PECAM1: variants seen among roughly 807,000 people sequenced by gnomAD.
PECAM1 encodes platelet and endothelial cell adhesion molecule 1.
A neutral mutation model predicts 13.8 loss-of-function variants in PECAM1; 8 were observed. The observed-to-expected ratio is 0.58, with a 90% CI of 0.34 to 1.05. PECAM1 has a LOEUF of 1.05. Ranked by LOEUF, PECAM1 falls within the 50% of genes least tolerant of loss-of-function variation. The pLI, the probability that PECAM1 is intolerant of heterozygous loss-of-function variation, is 0.03. For missense variants in PECAM1, 304 were observed against 141.2 expected (o/e 2.15, Z -5.84); for synonymous variants, 136 against 52.6 (o/e 2.58, Z -6.86).
chr17:64,361,296 C>T (rs2143813817), intron 6 of PECAM1, among the ~76,000 whole-genome samples: 1 of 151,886 alleles, frequency 6.6e-6, no homozygotes, highest in South Asian at 2.1e-4. Flanking sequence ...CAGGCATGTG[C>T]CACCACACCC....
At chr17:64,359,877 C>T (rs1220418055) in intron 7 of PECAM1, among the ~76,000 whole-genome samples, 25 of 152,108 alleles carry the variant, frequency 1.6e-4, no homozygotes, top group Non-Finnish European at 2.9e-5. Flanking sequence ...CTCAGCCTCC[C>T]GAGTGGCTGG....
chr17:64,322,093 G>T lies in PECAM1; in HGVS notation c.*1723C>A. 9.0e-7 allele frequency: 1 copy of T among 1,108,602 alleles called. No homozygotes were observed. The highest frequency in any genetic ancestry group is 1.1e-6 in the Non-Finnish European group (1 of 892,508). 68.7% of individuals were successfully genotyped at this position (1,108,602 alleles called of 1,614,324 possible). A position where few individuals can be genotyped will look rare whatever the true frequency, so the allele number is the denominator to read the frequency against. On this transcript the variant is annotated 3_prime_UTR_variant, in exon 16 of 16. Transcript: ENST00000563924. ...CATATTGTCAAAAGAGTCTAGGCTG[G>T]GCATGGTGGCTCACGCCTGCAATCC... is the stretch of plus-strand genomic sequence containing the variant.
Position 64,320,803 on chromosome 17 carries a change from CAG to C in PECAM1, c.*3011_*3012del, listed in dbSNP as rs1349249290. On this transcript the variant is annotated 3_prime_UTR_variant, in exon 16 of 16. Coordinates refer to ENST00000563924, the MANE Select transcript of PECAM1 (RefSeq NM_000442.5). ...AGACAAATAACTGGATGCTTCTGTGCAGAGTTTCTCAACCTGGCCATTATTGG... is the reference window on the plus strand; with the variant it reads ...AGACAAATAACTGGATGCTTCTGTGCAGTTTCTCAACCTGGCCATTATTGG... 2 of 152,330 alleles carry C rather than the reference CAG, an allele frequency of 1.3e-5. No homozygotes were observed. The highest frequency in any genetic ancestry group is 1.9e-4 in the East Asian group (1 of 5,192). 9.4% of individuals were successfully genotyped at this position (152,330 alleles called of 1,614,324 possible).
intron 14 of PECAM1, among the ~76,000 whole-genome samples, chr17:64,338,512 G>T (rs2035342695): frequency 6.6e-6 from 1 of 151,750 alleles, no homozygotes. Context: ...CTTGTCATTT[G>T]TCTACAAATT....
Position 64,322,418 on chromosome 17 carries a change from G to A in PECAM1, c.*1398C>T, listed in dbSNP as rs1555644602. 1.1e-5 allele frequency: 11 copies of A among 985,992 alleles called. No individual in the cohort carries two copies. Among genetic ancestry groups the A allele is most frequent in the African/African-American group, 7.0e-5 (4 of 57,172 alleles). 61.1% of individuals were successfully genotyped at this position (985,992 alleles called of 1,614,324 possible). On this transcript the variant is annotated 3_prime_UTR_variant, in exon 16 of 16. Coordinates refer to ENST00000563924, the MANE Select transcript of PECAM1 (RefSeq NM_000442.5). ...ACAAAACAAAAACATAGACCTGCTC[G>A]GTTCTCTCTGTGACTTCAGAGGCCC...
intron 5 of PECAM1, among the ~76,000 whole-genome samples, chr17:64,367,923 C>G (rs985233738): frequency 5.9e-5 from 9 of 152,206 alleles, no homozygotes; most frequent in Non-Finnish European, 1.2e-4. Context: ...TATAGACCAG[C>G]AGGACCCAAT....
chr17:64,350,351 C>T (rs1213879827), intron 12 of PECAM1, 29 bp downstream of exon 12: 1 of 412,120 alleles, frequency 2.4e-6, no homozygotes, highest in Non-Finnish European at 4.4e-6. Flanking sequence ...AAAGTTGGTT[C>T]TAATAAAAAC....
chr17:64,336,269 A>G (rs1424174553), intron 14 of PECAM1, among the ~76,000 whole-genome samples: 2 of 143,300 alleles, frequency 1.4e-5, no homozygotes, highest in Non-Finnish European at 3.0e-5. Flanking sequence ...CCTGTCTCAA[A>G]AAAAAAAAAA....
intron 4 of PECAM1, among the ~76,000 whole-genome samples, chr17:64,374,836 T>A (rs1282900223): frequency 6.6e-6 from 1 of 152,026 alleles, no homozygotes; most frequent in East Asian, 1.9e-4. Context: ...TCATATATAT[T>A]AAGAGTAAAG....
At chr17:64,346,300 A>C (rs2035568282) in intron 13 of PECAM1, among the ~76,000 whole-genome samples, 1 of 152,036 alleles carries the variant, frequency 6.6e-6, no homozygotes, top group East Asian at 1.9e-4. Flanking sequence ...TGTACTGCCC[A>C]ATCTGGGTTC....
intron 15 of PECAM1, among the ~76,000 whole-genome samples, chr17:64,326,259 A>T (rs2034956097): frequency 6.6e-6 from 1 of 152,238 alleles, no homozygotes. Context: ...GGTGGAACTC[A>T]GCAAGGCAGA....
chr17:64,343,297 ACTGCC>A (rs1460041032), intron 13 of PECAM1, among the ~76,000 whole-genome samples: 3 of 151,752 alleles, frequency 2.0e-5, no homozygotes, highest in Non-Finnish European at 2.9e-5. Flanking sequence ...CACAGCCAGC[ACTGCC>A]CTTTCTCCTT....
chr17:64,322,406 A>G lies in PECAM1; in HGVS notation c.*1410T>C. 2 of 986,810 alleles carry G rather than the reference A, an allele frequency of 2.0e-6. No homozygotes were observed. Among genetic ancestry groups the G allele is most frequent in the Non-Finnish European group, 2.4e-6 (2 of 830,776 alleles). 61.1% of individuals were successfully genotyped at this position (986,810 alleles called of 1,614,324 possible). ...CGTCTCAAAACAACAAAACAAAAAC[A>G]TAGACCTGCTCGGTTCTCTCTGTGA... On this transcript the variant is annotated 3_prime_UTR_variant, in exon 16 of 16. Transcript: ENST00000563924.
At chr17:64,386,652 C>A (rs2036599733) in intron 2 of PECAM1, among the ~76,000 whole-genome samples, 1 of 151,948 alleles carries the variant, frequency 6.6e-6, no homozygotes, top group Non-Finnish European at 1.5e-5. Context: ...CCACACGCAG[C>A]TGGGTGTGGT....
chr17:64,390,555 C>T (rs1568045715), intron 1 of PECAM1, 40 bp from the exon 2 acceptor site: 1 of 473,772 alleles, frequency 2.1e-6, no homozygotes, highest in Non-Finnish European at 3.9e-6. Context: ...CCAGAAGCTT[C>T]GATGCTCATG....
intron 5 of PECAM1, among the ~76,000 whole-genome samples, chr17:64,363,748 C>A (rs2036039480): frequency 6.6e-6 from 1 of 152,036 alleles, no homozygotes. Context: ...GGAGTTGAGA[C>A]CAGCCTGGGC....
chr17:64,363,727 A>G (rs1369697553), intron 5 of PECAM1, among the ~76,000 whole-genome samples: 6 of 152,076 alleles, frequency 3.9e-5, no homozygotes, highest in African/African-American at 9.7e-5. Context: ...TGGGTGGATC[A>G]CCTGAGGTCA....
At chr17:64,359,756 C>T (rs1381207996) in intron 7 of PECAM1, among the ~76,000 whole-genome samples, 3 of 57,086 alleles carry the variant, frequency 5.3e-5, no homozygotes, top group South Asian at 2.9e-3. Flanking sequence ...CTACTTCTCT[C>T]GCTTTTTTTT....
intron 3 of PECAM1, among the ~76,000 whole-genome samples, chr17:64,376,352 A>G (rs1360287296): frequency 2.0e-5 from 3 of 152,010 alleles, no homozygotes; most frequent in African/African-American, 7.2e-5. Context: ...TTAAAAAATA[A>G]AATATGGTCA....
Sources: gnomAD v4.1 joint callset for allele counts (sites outside exome capture counted in the v4.1 genomes callset) on GRCh38, gnomAD v4.1.1 for gene constraint, MANE v1.5 for transcripts, NCBI Gene and HGNC (gene_info 2026-07-23, HGNC 2026-07-21) for gene names.